KIF26A: variants seen among roughly 807,000 people sequenced by gnomAD.
The protein encoded by KIF26A is kinesin-like protein KIF26A.
Under a neutral mutation model 126.0 loss-of-function variants are expected in KIF26A, and 74 were observed. The observed-to-expected ratio is 0.59, with a 90% CI of 0.49 to 0.71. KIF26A has a LOEUF of 0.71. Ranked by LOEUF, KIF26A falls within the 30% of genes least tolerant of loss-of-function variation. The pLI is 0.00. For missense variants in KIF26A, 2,984 were observed against 2,763.3 expected (o/e 1.08, Z -1.79); for synonymous variants, 1,445 against 1,232.7 (o/e 1.17, Z -3.61).
rs988229477 is a variant in KIF26A, at chr14:104,179,869, G to C, written c.*79G>C. On this transcript the variant is annotated 3_prime_UTR_variant, in exon 15 of 15. Transcript: ENST00000423312. ...TGGGACGGAGCGAGGATGTGGTGGG[G>C]GCTGCGGGGGGAGGATGCGGAGGGG... The C allele has an allele frequency of 1.5e-6, 2 of 1,360,668 alleles. No homozygotes were observed. The highest frequency in any genetic ancestry group is 3.0e-5 in the African/African-American group (2 of 67,712). The allele number at this position is 1,360,668 out of a possible 1,614,324, so 84.3% of individuals were successfully genotyped here. A position where few individuals can be genotyped will look rare whatever the true frequency, so the allele number is the denominator to read the frequency against.
rs771019034 is a variant in KIF26A at position 104,179,276 on chromosome 14, G to A, written c.5357G>A (p.Arg1786His). 137 of 1,528,300 alleles carry A rather than the reference G, an allele frequency of 9.0e-5. 1 individual carries two copies. Among genetic ancestry groups the A allele is most frequent in the South Asian group, 8.6e-4 (71 of 82,096 alleles). The allele number at this position is 1,528,300 out of a possible 1,614,324, so 94.7% of individuals were successfully genotyped here. A position where few individuals can be genotyped will look rare whatever the true frequency, so the allele number is the denominator to read the frequency against. ...AGTACAAGGCTGCGGCTGGCGGAGC[G>A]CAGGCAGCAGCGGCTGCGGGAGGTG... ...CVSTRLRLAE[R>H]RQQRLREVQA... The change falls in exon 14 of 15, where the codon CGC (arginine) becomes CAC (histidine). Residue 1786 changes from arginine (R) to histidine (H), a missense_variant. Physicochemically the swap from Arg to His is conservative, Grantham distance 29 (BLOSUM62 0). Transcript: ENST00000423312.
Position 104,162,569 on chromosome 14 carries a change from C to T in KIF26A, c.924-4290C>T, listed in dbSNP as rs372830276. ...GCTGCTCCAGTCTCCAGTGCTTGCCCGGCCTCCGCGTCCCCTGGAAGCTTG... is the reference window on the plus strand; with the variant it reads ...GCTGCTCCAGTCTCCAGTGCTTGCCTGGCCTCCGCGTCCCCTGGAAGCTTG... On this transcript the variant is annotated intron_variant, in intron 4 of 14. Coordinates refer to ENST00000423312, the MANE Select transcript of KIF26A (RefSeq NM_015656.2). 2.8e-4 allele frequency among the ~76,000 whole-genome samples: 42 copies of T among 152,304 alleles called. 1 individual carries two copies. The highest frequency in any genetic ancestry group is 1.9e-3 in the East Asian group (10 of 5,182).
At position 104,165,356 on chromosome 14, in the gene KIF26A, G is replaced by A. The variant is rs574750098; in HGVS notation, c.924-1503G>A. ...GTCTGTGTGTCTGTATCATGTGTGC[G>A]TCTGTGTGTCCCTGTGTGCATGTGT... On this transcript the variant is annotated intron_variant, in intron 4 of 14. Transcript: ENST00000423312. Among the ~76,000 whole-genome samples, 286 of 136,948 alleles carry A rather than the reference G, an allele frequency of 2.1e-3. 10 individuals carry two copies. Among genetic ancestry groups the A allele is most frequent in the African/African-American group, 8.4e-3 (277 of 32,848 alleles). 89.8% of individuals were successfully genotyped at this position (136,948 alleles called of 152,430 possible). A position where few individuals can be genotyped will look rare whatever the true frequency, so the allele number is the denominator to read the frequency against.
intron 2 of KIF26A, among the ~76,000 whole-genome samples, chr14:104,146,963 G>C (rs1181426921): frequency 6.6e-6 from 1 of 152,122 alleles, no homozygotes; most frequent in Admixed American, 6.5e-5. Flanking sequence ...ACAGTCCTGT[G>C]GCCCCTCACA....
intron 4 of KIF26A, among the ~76,000 whole-genome samples, chr14:104,164,311 G>A (rs1437838904): frequency 1.3e-5 from 2 of 152,098 alleles, no homozygotes. Context: ...GGGGAGCGCC[G>A]GTGGTCAGCG....
rs992223304 is a variant in KIF26A at position 104,164,999 on chromosome 14, G to A, written c.924-1860G>A. Reference sequence around the variant, plus strand: ...CGTCTCTGTGTGTGTTTCTGTATGCGTGCACGTGTCTCTGGGTGTGCCTCT... The same window carrying A: ...CGTCTCTGTGTGTGTTTCTGTATGCATGCACGTGTCTCTGGGTGTGCCTCT... On this transcript the variant is annotated intron_variant, in intron 4 of 14. Transcript: ENST00000423312. Among the ~76,000 whole-genome samples, 10 of 151,388 alleles carry A rather than the reference G, an allele frequency of 6.6e-5. No individual in the cohort carries two copies. In the South Asian group the frequency reaches 1.0e-3, roughly 16 times the overall value.
intron 4 of KIF26A, among the ~76,000 whole-genome samples, chr14:104,163,815 A>C (rs2037854616): frequency 6.6e-6 from 1 of 151,402 alleles, no homozygotes; most frequent in East Asian, 2.0e-4. Context: ...GCCAGCATTT[A>C]CCCAATACCG....
intron 13 of KIF26A, 37 bp from the exon 14 acceptor site, chr14:104,179,199 G>T (rs2038072166): frequency 7.0e-7 from 1 of 1,429,782 alleles, no homozygotes; most frequent in African/African-American, 1.5e-5. Flanking sequence ...TGGGGAGAGG[G>T]TCCCATGCCT....
chr14:104,157,739 C>T lies in KIF26A; in HGVS notation c.736-16C>T. ...TGCCCTTGCGTTCCTTATACGCACT[C>T]TCTCCTTCCCTCCAGGCCGAGGCAG... On this transcript the variant is annotated splice_polypyrimidine_tract_variant and intron_variant, in intron 3 of 14. Coordinates refer to ENST00000423312, the MANE Select transcript of KIF26A (RefSeq NM_015656.2). 1 of 1,608,572 alleles carries T rather than the reference C, an allele frequency of 6.2e-7. No individual in the cohort carries two copies. The highest frequency in any genetic ancestry group is 8.5e-7 in the Non-Finnish European group (1 of 1,178,362).
At chr14:104,154,330 C>T (rs11622831) in intron 3 of KIF26A, among the ~76,000 whole-genome samples, 6,357 of 152,150 alleles carry the variant, frequency 0.042, 206 homozygotes, top group Middle Eastern at 0.082. Context: ...TGGCCTCGGC[C>T]GAGGCTTGGC....
intron 2 of KIF26A, among the ~76,000 whole-genome samples, chr14:104,150,204 C>A (rs1322165424): frequency 1.7e-5 from 2 of 118,240 alleles, no homozygotes; most frequent in Non-Finnish European, 3.8e-5. Flanking sequence ...CCCTCCCCCA[C>A]CCCCTCCTCC....
chr14:104,142,505 T>G (rs980063594), intron 2 of KIF26A, among the ~76,000 whole-genome samples: 1 of 152,134 alleles, frequency 6.6e-6, no homozygotes, highest in African/African-American at 2.4e-5. Context: ...ATAGATGCTG[T>G]CCTCATCCCA....
In KIF26A at chr14:104,175,179, G is replaced by T. The variant is rs752538044; in HGVS notation, c.2391G>T (p.Gly797=). Residue 797 remains glycine, a synonymous_variant, in exon 12 of 15, where the codon GGG becomes GGT. Coordinates refer to ENST00000423312, the MANE Select transcript of KIF26A (RefSeq NM_015656.2). ...CGGTCATCTACGTGGGGCCCGGTGG[G>T]GCGGCGCTGTCAGACCGGGAGCTCA... ...CDTVIYVGPG[G]AALSDRELTD... 1.2e-6 allele frequency: 2 copies of T among 1,607,592 alleles called. No individual in the cohort carries two copies. The highest frequency in any genetic ancestry group is 1.7e-6 in the Non-Finnish European group (2 of 1,178,070).
chr14:104,159,136 A>G (rs1428051003), intron 4 of KIF26A, among the ~76,000 whole-genome samples: 1 of 152,212 alleles, frequency 6.6e-6, no homozygotes, highest in Non-Finnish European at 1.5e-5. Flanking sequence ...CAGACCGCGC[A>G]CGTGACCAGT....
At chr14:104,157,099 T>A (rs1246279155) in intron 3 of KIF26A, among the ~76,000 whole-genome samples, 1 of 152,024 alleles carries the variant, frequency 6.6e-6, no homozygotes, top group East Asian at 1.9e-4. Context: ...GGGTTCGGGG[T>A]CCCACGTGTC....
intron 2 of KIF26A, among the ~76,000 whole-genome samples, chr14:104,150,930 C>T (rs2037723589): frequency 6.6e-6 from 1 of 152,078 alleles, no homozygotes; most frequent in African/African-American, 2.4e-5. Flanking sequence ...TGAGACACCC[C>T]TTGGGGAGGG....
intron 2 of KIF26A, among the ~76,000 whole-genome samples, chr14:104,141,995 C>T (rs2037641943): frequency 6.6e-6 from 1 of 152,178 alleles, no homozygotes; most frequent in Non-Finnish European, 1.5e-5. Context: ...TTAGGGACTC[C>T]GAGTCCCTGG....
At chr14:104,172,524 C>T (rs183573215) in intron 6 of KIF26A, 51 bp from the exon 7 acceptor site, 48 of 1,414,500 alleles carry the variant, frequency 3.4e-5, no homozygotes, top group South Asian at 2.1e-4. Context: ...GGCCCACAGA[C>T]GTGGCAGAAG....
chr14:104,156,857 A>G (rs560839136), intron 3 of KIF26A, among the ~76,000 whole-genome samples: 23 of 152,192 alleles, frequency 1.5e-4, no homozygotes, highest in Admixed American at 5.9e-4. Flanking sequence ...GGTACAAAGG[A>G]CGCCTCGGGC....
Sources: allele counts gnomAD v4.1 joint callset (sites outside exome capture counted in the v4.1 genomes callset), GRCh38; gene constraint gnomAD v4.1.1; transcripts MANE v1.5; gene names NCBI Gene and HGNC (gene_info 2026-07-23, HGNC 2026-07-21).